The following PACS1 variants were observed in gnomAD, a reference collection of about 807,000 sequenced individuals.
PACS1 encodes the protein phosphofurin acidic cluster sorting protein 1.
Under a neutral mutation model 115.0 loss-of-function variants are expected in PACS1, and 24 were observed. The observed-to-expected ratio is 0.21, with a 90% CI of 0.15 to 0.29. The LOEUF is 0.29. PACS1 is among the 10% of genes least tolerant of loss of function. The probability of loss-of-function intolerance (pLI) is 1.00; values close to 1 mark genes in which losing one functional copy is unlikely to be tolerated. For synonymous variants in PACS1, 453 were observed against 504.5 expected, an observed-to-expected ratio of 0.90 and a Z score of 1.37; for missense variants, 838 against 1,251.2, an observed-to-expected ratio of 0.67 and a Z score of 4.98.
At chr11:66,220,366 T>C in intron 8 of PACS1, 1 of 462,136 alleles carries the variant, frequency 2.2e-6, no homozygotes, top group Non-Finnish European at 3.9e-6. Context: ...ACATGGGCGA[T>C]GGGCCTCGGG....
chr11:66,139,148 G>A (rs1858919089), intron 1 of PACS1, among the ~76,000 whole-genome samples: 1 of 152,164 alleles, frequency 6.6e-6, no homozygotes, highest in African/African-American at 2.4e-5. Flanking sequence ...TAGTTTTCAT[G>A]ATGTGCTTGA....
chr11:66,136,057 A>G (rs1343342549), intron 1 of PACS1, among the ~76,000 whole-genome samples: 1 of 152,090 alleles, frequency 6.6e-6, no homozygotes, highest in Non-Finnish European at 1.5e-5. Context: ...TGAGCTACTG[A>G]TTTGTCTGTG....
chr11:66,231,390 A>G (rs1855590273), intron 13 of PACS1, among the ~76,000 whole-genome samples: 1 of 152,210 alleles, frequency 6.6e-6, no homozygotes, highest in Non-Finnish European at 1.5e-5. Context: ...AGCCAACAAT[A>G]TTAAACTGTT....
intron 1 of PACS1, among the ~76,000 whole-genome samples, chr11:66,074,475 CTTTTT>C (rs1321800239): frequency 6.6e-6 from 1 of 152,098 alleles, no homozygotes; most frequent in Non-Finnish European, 1.5e-5. Flanking sequence ...ATGTTCTTTT[CTTTTT>C]GTGTTGCTGT....
intron 1 of PACS1, among the ~76,000 whole-genome samples, chr11:66,098,651 T>C (rs1386881415): frequency 6.6e-6 from 1 of 152,216 alleles, no homozygotes; most frequent in African/African-American, 2.4e-5. Context: ...CTGCCCCAAC[T>C]ATATCTCATT....
rs371023353 is a variant in PACS1 at position 66,118,361 on chromosome 11, G to A, written c.356+47519G>A. Among the ~76,000 whole-genome samples the A allele has an allele frequency of 2.4e-4, 36 of 152,106 alleles. No homozygotes were observed. The South Asian group carries it at 6.8e-3, about 29-fold the overall frequency. ...GCGCTGTGGCTCATGCCTATAATCC[G>A]GGCACTTTGGGAGGCTGAGGCAGTA... On this transcript the variant is annotated intron_variant, in intron 1 of 23. Transcript: ENST00000320580.
At chr11:66,092,818 A>G (rs1023609251) in intron 1 of PACS1, among the ~76,000 whole-genome samples, 25 of 152,158 alleles carry the variant, frequency 1.6e-4, no homozygotes, top group African/African-American at 5.5e-4. Flanking sequence ...GGTTTGTCAA[A>G]GATCAGATAG....
intron 2 of PACS1, among the ~76,000 whole-genome samples, chr11:66,209,732 G>T (rs2134697833): frequency 6.6e-6 from 1 of 152,070 alleles, no homozygotes. Context: ...GTGAAACCCT[G>T]TCTCTACTAA....
intron 1 of PACS1, among the ~76,000 whole-genome samples, chr11:66,117,145 G>A (rs966474963): frequency 6.6e-6 from 1 of 151,072 alleles, no homozygotes; most frequent in Admixed American, 6.6e-5. Flanking sequence ...TCTCCAGACT[G>A]CCAAAGGGAC....
At chr11:66,111,965 C>T (rs1420341045) in intron 1 of PACS1, among the ~76,000 whole-genome samples, 1 of 152,136 alleles carries the variant, frequency 6.6e-6, no homozygotes, top group Non-Finnish European at 1.5e-5. Flanking sequence ...CTTTATAATG[C>T]CTGCCTCATG....
intron 1 of PACS1, among the ~76,000 whole-genome samples, chr11:66,116,936 A>G (rs1392893178): frequency 6.6e-6 from 1 of 151,970 alleles, no homozygotes; most frequent in Non-Finnish European, 1.5e-5. Flanking sequence ...GGAGACATAT[A>G]CTAAATAAGA....
At position 66,216,217 on chromosome 11, in the gene PACS1, G is replaced by C. The variant is rs772543617; in HGVS notation, c.759G>C (p.Leu253=). The C allele has an allele frequency of 1.2e-6, 2 of 1,614,046 alleles. No homozygotes were observed. Among genetic ancestry groups the C allele is most frequent in the Middle Eastern group, 1.6e-4 (1 of 6,062 alleles). The change falls in exon 5 of 24, where the codon CTG becomes CTC. Residue 253 remains leucine (L), a synonymous_variant. Transcript: ENST00000320580. ...VPVAEIKIYS[L]SSQPIDHEGI... ...TGGCAGAAATAAAGATCTACTCCCT[G>C]TCCAGCCAACCCATTGACCATGAAG...
rs777439475 is a variant in PACS1 at position 66,070,626 on chromosome 11, C to T, written c.140C>T (p.Pro47Leu). ...CAGCAGCCGCCGCAGCAGCCGACGCCCCCCAAGCTGGCCCAGGCCACCTCG... is the reference window on the plus strand; with the variant it reads ...CAGCAGCCGCCGCAGCAGCCGACGCTCCCCAAGCTGGCCCAGGCCACCTCG... The part of the protein sequence containing the change: ...QQQQPPQQPT[P>L]PKLAQATSSS... Residue 47 changes from proline (P) to leucine (L), a missense_variant, in exon 1 of 24, where the codon CCC becomes CTC. Around this residue, in one of 6 missense-constraint regions of PACS1, gnomAD observed 129 missense variants for 109.4 expected, o/e 1.18. Coordinates refer to ENST00000320580, the MANE Select transcript of PACS1 (RefSeq NM_018026.4). This position sits in a 1 kb window ranked among gnomAD's most constrained non-coding sequence, Gnocchi z 5.9. 2 of 1,546,240 alleles carry T rather than the reference C, an allele frequency of 1.3e-6. No individual in the cohort carries two copies. The highest frequency in any genetic ancestry group is 1.4e-5 in the African/African-American group (1 of 70,400).
chr11:66,235,286 T>C lies in PACS1; in HGVS notation c.2105-15T>C, dbSNP rs2134742923. ...AAGTCAGTAGGCAGTTAGTGATCTC[T>C]TGGCTTTTCTGCAGAGCAACTGGAC... On this transcript the variant is annotated splice_polypyrimidine_tract_variant and intron_variant, in intron 17 of 23. Coordinates refer to ENST00000320580, the MANE Select transcript of PACS1 (RefSeq NM_018026.4). The surrounding 1 kb of genome is among the most constrained non-coding windows in gnomAD (Gnocchi z 5.6). 1 of 1,607,952 alleles carries C rather than the reference T, an allele frequency of 6.2e-7. No homozygotes were observed. The highest frequency in any genetic ancestry group is 8.5e-7 in the Non-Finnish European group (1 of 1,174,556).
In PACS1 at chr11:66,070,835, G is replaced by A; in HGVS notation, c.349G>A (p.Val117Met). The change falls in exon 1 of 24, where the codon GTG becomes ATG. Residue 117 changes from valine to methionine, a missense_variant. Coordinates refer to ENST00000320580, the MANE Select transcript of PACS1 (RefSeq NM_018026.4). The surrounding 1 kb of genome is among the most constrained non-coding windows in gnomAD (Gnocchi z 5.9). ...WEVDRSSSSC[V>M]PRLFSLTLKK... ...GGTGGACCGGAGCTCGTCCAGCTGC[G>A]TGCCTAGGTGAGCGCGGGAGGGTGC... 8.1e-6 allele frequency: 12 copies of A among 1,486,628 alleles called. No individual in the cohort carries two copies. Among genetic ancestry groups the A allele is most frequent in the Non-Finnish European group, 1.1e-5 (12 of 1,125,314 alleles). 92.1% of individuals were successfully genotyped at this position (1,486,628 alleles called of 1,614,324 possible). A position where few individuals can be genotyped will look rare whatever the true frequency, so the allele number is the denominator to read the frequency against.
At chr11:66,129,352 T>C (rs1187074123) in intron 1 of PACS1, among the ~76,000 whole-genome samples, 2 of 151,228 alleles carry the variant, frequency 1.3e-5, no homozygotes, top group Admixed American at 6.6e-5. Flanking sequence ...GAATCACTTG[T>C]ACCTGGAAGG....
chr11:66,101,332 G>T (rs1038658702), intron 1 of PACS1, among the ~76,000 whole-genome samples: 1 of 152,094 alleles, frequency 6.6e-6, no homozygotes, highest in African/African-American at 2.4e-5. Flanking sequence ...TCATTCTTGT[G>T]TGATACAGAA....
At chr11:66,107,460 C>G (rs1351839955) in intron 1 of PACS1, among the ~76,000 whole-genome samples, 2 of 152,190 alleles carry the variant, frequency 1.3e-5, no homozygotes, top group African/African-American at 4.8e-5. Flanking sequence ...TACTGTCTCC[C>G]TGTTTCCAGG....
intron 4 of PACS1, among the ~76,000 whole-genome samples, chr11:66,212,217 C>T (rs917516749): frequency 2.6e-5 from 4 of 151,632 alleles, no homozygotes; most frequent in Admixed American, 6.6e-5. Flanking sequence ...CTGAAACCCC[C>T]GCCTCCCGGG....
Sources: gnomAD v4.1 joint callset for allele counts (sites outside exome capture counted in the v4.1 genomes callset) on GRCh38, gnomAD v4.1.1 for gene constraint, gnomAD v4.1.1 regional missense constraint, Gnocchi (gnomAD v3.1) non-coding constraint, MANE v1.5 for transcripts, NCBI Gene and HGNC (gene_info 2026-07-23, HGNC 2026-07-21) for gene names.